Variants in MUS81 observed in about 807,000 individuals in gnomAD.
MUS81 encodes the protein structure-specific endonuclease subunit MUS81.
A neutral mutation model predicts 74.2 loss-of-function variants in MUS81; 69 were observed. The ratio of observed to expected loss-of-function variants is 0.93; its 90% CI spans 0.77 to 1.14. The LOEUF is 1.14. Ranked by LOEUF, MUS81 falls within the 50% of genes most tolerant of loss-of-function variation. MUS81 has a pLI of 0.00. For synonymous variants in MUS81, 303 were observed against 300.6 expected (o/e 1.01, Z -0.08); for missense variants, 711 against 726.5 (o/e 0.98, Z 0.25).
At chr11:65,862,410 G>C (rs1225350108) in intron 5 of MUS81, 34 bp from the exon 6 acceptor site, 1 of 1,600,812 alleles carries the variant, frequency 6.2e-7, no homozygotes. Flanking sequence ...GGTGGTACCA[G>C]GTGCTCTCTG....
At chr11:65,862,552 C>G in intron 6 of MUS81, 23 bp downstream of exon 6, 1 of 1,607,534 alleles carries the variant, frequency 6.2e-7, no homozygotes, top group Non-Finnish European at 8.5e-7. Context: ...GCAGGAGATA[C>G]AGGAGAGCAT....
In MUS81 at chr11:65,861,059, C is replaced by T; in HGVS notation, c.222C>T (p.Cys74=). The part of the protein sequence containing the change: ...KILQHFGDGL[C]RMLDERLQRH... ...TACAGCACTTCGGAGACGGGCTCTG[C>T]CGGATGCTGGACGAGCGGCTGCAGC... The change falls in exon 2 of 16, where the codon TGC becomes TGT. Residue 74 remains cysteine, a synonymous_variant. Transcript: ENST00000308110. 6.2e-7 allele frequency: 1 copy of T among 1,612,632 alleles called. No individual in the cohort carries two copies. The highest frequency in any genetic ancestry group is 1.3e-5 in the African/African-American group (1 of 75,060).
Position 65,865,304 on chromosome 11 carries a change from C to T in MUS81, c.1486C>T (p.Arg496Ter), listed in dbSNP as rs746829652. 20 of 1,613,938 alleles carry T rather than the reference C, an allele frequency of 1.2e-5. No homozygotes were observed. Among genetic ancestry groups the T allele is most frequent in the East Asian group, 4.5e-5 (2 of 44,884 alleles). The change falls in exon 14 of 16, where the codon CGA (arginine) becomes TGA (stop). Residue 496 changes from arginine to a stop codon, truncating the protein, a stop_gained. Transcript: ENST00000308110. LOFTEE classifies it high-confidence loss of function. The part of the protein sequence containing the change: ...SGEKAAALVD[R>*]YSTPASLLAA... ...GGAGAAGGCAGCAGCCCTGGTGGATCGATACAGCACCCCTGCCAGGTAGGC... is the reference window on the plus strand; with the variant it reads ...GGAGAAGGCAGCAGCCCTGGTGGATTGATACAGCACCCCTGCCAGGTAGGC...
At chr11:65,864,177 C>T (rs1006362058) in intron 10 of MUS81, 37 of 587,186 alleles carry the variant, frequency 6.3e-5, no homozygotes, top group Admixed American at 2.4e-4. Flanking sequence ...AAGGCATAAA[C>T]CTCCAGGAGT....
chr11:65,864,948 G>A, intron 12 of MUS81, 69 bp from the exon 13 acceptor site: 2 of 1,600,332 alleles, frequency 1.2e-6, no homozygotes, highest in Admixed American at 1.7e-5. Context: ...CAAGGCTGAG[G>A]ACTGGGCAGG....
intron 8 of MUS81, 32 bp downstream of exon 8, chr11:65,863,534 A>G: frequency 1.2e-6 from 2 of 1,613,970 alleles, no homozygotes; most frequent in Non-Finnish European, 1.7e-6. Flanking sequence ...GAGGGAGATG[A>G]TCAGAGGAGG....
chr11:65,861,032 C>T lies in MUS81; in HGVS notation c.195C>T (p.Ile65=). The T allele has an allele frequency of 6.2e-7, 1 of 1,612,748 alleles. No individual in the cohort carries two copies. Among genetic ancestry groups the T allele is most frequent in the African/African-American group, 1.3e-5 (1 of 75,060 alleles). The change falls in exon 2 of 16, where the codon ATC becomes ATT. Residue 65 remains isoleucine (I), a synonymous_variant. Coordinates refer to ENST00000308110, the MANE Select transcript of MUS81 (RefSeq NM_025128.5). ...LPLRSGKEAK[I]LQHFGDGLCR... is the part of the protein sequence containing the mutation. ...TGCGCAGCGGGAAGGAAGCTAAGAT[C>T]CTACAGCACTTCGGAGACGGGCTCT...
chr11:65,863,730 C>T lies in MUS81; in HGVS notation c.961+9C>T. The T allele has an allele frequency of 4.3e-6, 7 of 1,614,064 alleles. No individual in the cohort carries two copies. The highest frequency in any genetic ancestry group is 5.1e-6 in the Non-Finnish European group (6 of 1,179,952). On this transcript the variant is annotated intron_variant, in intron 9 of 15. Coordinates refer to ENST00000308110, the MANE Select transcript of MUS81 (RefSeq NM_025128.5). ...CAATCCTAGAGACCCAGGTGAAGGGCCGTGGACAGGCTGGCACCAGGGGCA... is the reference window on the plus strand; with the variant it reads ...CAATCCTAGAGACCCAGGTGAAGGGTCGTGGACAGGCTGGCACCAGGGGCA...
chr11:65,867,240 C>T, downstream of MUS81: 1 of 749,756 alleles, frequency 1.3e-6, no homozygotes, highest in Non-Finnish European at 2.2e-6. Context: ...CCCTCGATGT[C>T]TCTCCTCCCC....
At chr11:65,861,709 TC>T in intron 3 of MUS81, 1 of 604,022 alleles carries the variant, frequency 1.7e-6, no homozygotes, top group Non-Finnish European at 3.0e-6. Flanking sequence ...ATTACACCTG[TC>T]CTGCAGCGCA....
At chr11:65,864,877 G>T in intron 12 of MUS81, 62 bp downstream of exon 12, 1 of 1,582,810 alleles carries the variant, frequency 6.3e-7, no homozygotes, top group South Asian at 1.1e-5. Flanking sequence ...CCTTGCCTGG[G>T]CCCTGTGCAT....
At chr11:65,861,694 G>A (rs1299934522) in intron 3 of MUS81, 7 of 601,154 alleles carry the variant, frequency 1.2e-5, no homozygotes, top group Non-Finnish European at 2.1e-5. Flanking sequence ...GAGTTTTCCT[G>A]TCTAATTACA....
intron 14 of MUS81, chr11:65,865,589 G>T: frequency 1.6e-6 from 1 of 629,696 alleles, no homozygotes; most frequent in Non-Finnish European, 2.8e-6. Context: ...GGCCATTAAG[G>T]GGAGTGAGGG....
At chr11:65,864,847 C>G (rs1267477945) in intron 12 of MUS81, 32 bp downstream of exon 12, 5 of 1,600,144 alleles carry the variant, frequency 3.1e-6, no homozygotes, top group Non-Finnish European at 4.3e-6. Context: ...AGTGTCGGGA[C>G]AGAGCCCACA....
downstream of MUS81, chr11:65,867,265 C>G: frequency 7.6e-6 from 5 of 656,830 alleles, no homozygotes; most frequent in Non-Finnish European, 1.3e-5. Context: ...AGGCTCCTGC[C>G]CTCAGAAATC....
rs751020184 is a variant in MUS81, at chr11:65,860,856, A to T, written c.103A>T (p.Ser35Cys). The T allele has an allele frequency of 6.5e-7, 1 of 1,546,836 alleles. No homozygotes were observed. The highest frequency in any genetic ancestry group is 8.7e-7 in the Non-Finnish European group (1 of 1,148,280). ...LTEWRDEATRSRRRTRFVFQK... is the reference protein window; with the variant it reads ...LTEWRDEATRCRRRTRFVFQK... ...CGAGTGGCGGGACGAGGCGACCCGC[A>T]GCAGGCGCCGCACGCGCTTCGTATT... is the stretch of plus-strand genomic sequence containing the variant. Residue 35 changes from serine (S) to cysteine (C), a missense_variant, in exon 1 of 16, where the codon AGC (serine) becomes TGC (cysteine). By Grantham distance (112) the Ser-to-Cys change is moderately radical. Coordinates refer to ENST00000308110, the MANE Select transcript of MUS81 (RefSeq NM_025128.5).
At position 65,863,183 on chromosome 11, in the gene MUS81, C is replaced by CTG. The variant is rs1565266931; in HGVS notation, c.724_725insTG (p.Pro242LeufsTer22). On this transcript the variant is annotated frameshift_variant, in exon 7 of 16. Transcript: ENST00000308110. LOFTEE classifies it high-confidence loss of function. Reference sequence around the variant, plus strand: ...GCCCCCTGGGGAGGAGACAGCAGTGCCAGGAGCAGCTTCAGCAGAGCTGTG... The same window carrying CTG: ...GCCCCCTGGGGAGGAGACAGCAGTGCTGCAGGAGCAGCTTCAGCAGAGCTGTG... The CTG allele has an allele frequency of 6.2e-7, 1 of 1,613,368 alleles. No individual in the cohort carries two copies. The highest frequency in any genetic ancestry group is 8.5e-7 in the Non-Finnish European group (1 of 1,179,750).
At chr11:65,861,901 G>A (rs542198727) in intron 3 of MUS81, 46 bp from the exon 4 acceptor site, 13 of 1,490,906 alleles carry the variant, frequency 8.7e-6, no homozygotes, top group Middle Eastern at 1.7e-4. Flanking sequence ...CTTATTCAAA[G>A]ATGACTGGCT....
chr11:65,860,520 TAG>T lies in MUS81; in HGVS notation c.-230_-229del. ...GAGTGGAGCCAAGGGAAAAGATCGT[TAG>T]AGACAGCGCCCCTGACCAACCACTT... On this transcript the variant is annotated 5_prime_UTR_variant, in exon 1 of 16. Coordinates refer to ENST00000308110, the MANE Select transcript of MUS81 (RefSeq NM_025128.5). 1.7e-6 allele frequency: 1 copy of T among 600,780 alleles called. No individual in the cohort carries two copies. Among genetic ancestry groups the T allele is most frequent in the Non-Finnish European group, 3.0e-6 (1 of 337,680 alleles). 37.2% of individuals were successfully genotyped at this position (600,780 alleles called of 1,614,324 possible).
Sources: allele counts gnomAD v4.1 joint callset, GRCh38; gene constraint gnomAD v4.1.1; transcripts MANE v1.5; gene names NCBI Gene and HGNC (gene_info 2026-07-23, HGNC 2026-07-21).